MORN1: variants seen among roughly 807,000 people sequenced by gnomAD.
MORN1 encodes the protein MORN repeat containing 1.
In MORN1, 67 loss-of-function variants were observed where a neutral mutation model predicts 61.9. The observed-to-expected ratio is 1.08, with a 90% CI of 0.89 to 1.33. The LOEUF (loss-of-function observed/expected upper bound fraction) is 1.33. Ranked by LOEUF, MORN1 falls within the 40% of genes most tolerant of loss-of-function variation. The pLI is 0.00. For synonymous variants in MORN1, 301 were observed against 292.0 expected (o/e 1.03, Z -0.31); for missense variants, 752 against 691.2 (o/e 1.09, Z -0.99).
At chr1:2,324,632 G>A (rs1367224793) in intron 12 of MORN1, among the ~76,000 whole-genome samples, 9 of 152,186 alleles carry the variant, frequency 5.9e-5, no homozygotes. Context: ...GAGGCCCAGT[G>A]TCACCTGGGA....
intron 10 of MORN1, chr1:2,352,289 A>G (rs951986593): frequency 1.6e-4 from 28 of 175,386 alleles, no homozygotes; most frequent in Admixed American, 7.6e-4. Context: ...CTGTGCAGCC[A>G]TCCAGGACCA....
chr1:2,390,982 G>T (rs904014275), intron 1 of MORN1, among the ~76,000 whole-genome samples: 3 of 152,190 alleles, frequency 2.0e-5, no homozygotes, highest in African/African-American at 7.2e-5. Flanking sequence ...CTGACCTCAG[G>T]TGATCCACCC....
Position 2,357,382 on chromosome 1 carries a change from T to A in MORN1, c.1036+50A>T. On this transcript the variant is annotated intron_variant, in intron 10 of 13. Transcript: ENST00000378531. This position sits in a 1 kb window ranked among gnomAD's most constrained non-coding sequence, Gnocchi z 6.3. ...CCCATGACCCCACCCCCACCTTGAC[T>A]GCTGGGCCTGGGCCCACCCACCCCC... 3 of 1,511,624 alleles carry A rather than the reference T, an allele frequency of 2.0e-6. No homozygotes were observed. The highest frequency in any genetic ancestry group is 2.7e-6 in the Non-Finnish European group (3 of 1,118,594). 93.6% of individuals were successfully genotyped at this position (1,511,624 alleles called of 1,614,324 possible).
At chr1:2,353,950 A>G (rs1641706126) in intron 10 of MORN1, among the ~76,000 whole-genome samples, 1 of 152,226 alleles carries the variant, frequency 6.6e-6, no homozygotes, top group African/African-American at 2.4e-5. Flanking sequence ...CCGATAAATC[A>G]GTCCTAAATG....
rs577239152 is a variant in MORN1, at chr1:2,373,356, C to T, written c.635-765G>A. 1.3e-4 allele frequency among the ~76,000 whole-genome samples: 20 copies of T among 152,352 alleles called. No individual in the cohort carries two copies. The South Asian group carries it at 4.1e-3, about 32-fold the overall frequency. ...GAAGCTCTGGCCCCTGTGGGAGCTC[C>T]TGCTGTGTTCTGGGGGCAAAGCCAG... On this transcript the variant is annotated intron_variant, in intron 7 of 13. Transcript: ENST00000378531.
In MORN1 at chr1:2,321,667, C is replaced by T. The variant is rs921466129; in HGVS notation, c.1298-88G>A. On this transcript the variant is annotated intron_variant, in intron 13 of 13. Transcript: ENST00000378531. ...CCCACTGCCCACTGTCTCATGTGCC[C>T]GCTGGCCCCTGTGCCCCCGACCCTG... 1.9e-5 allele frequency: 27 copies of T among 1,395,376 alleles called. 1 individual carries two copies. The highest frequency in any genetic ancestry group is 3.0e-5 in the African/African-American group (2 of 66,658). The allele number at this position is 1,395,376 out of a possible 1,614,324, so 86.4% of individuals were successfully genotyped here.
chr1:2,321,259 C>T lies in MORN1; in HGVS notation c.*124G>A, dbSNP rs147767221. 4.0e-6 allele frequency: 3 copies of T among 752,002 alleles called. No homozygotes were observed. Among genetic ancestry groups the T allele is most frequent in the African/African-American group, 1.8e-5 (1 of 55,326 alleles). 46.6% of individuals were successfully genotyped at this position (752,002 alleles called of 1,614,324 possible). On this transcript the variant is annotated 3_prime_UTR_variant, in exon 14 of 14. Transcript: ENST00000378531. ...CAAGGAGCAGTGCCCTCCATAGCCG[C>T]CACTGAGCATTTTATTCAAGCCAGC... is the stretch of plus-strand genomic sequence containing the variant.
At chr1:2,386,498 C>T (rs1210966134) in intron 4 of MORN1, 3 of 154,402 alleles carry the variant, frequency 1.9e-5, no homozygotes, top group Admixed American at 6.4e-5. Flanking sequence ...GGCACGATCT[C>T]GGCTCACTAC....
At chr1:2,326,022 C>T (rs1486354435) in intron 12 of MORN1, among the ~76,000 whole-genome samples, 1 of 152,152 alleles carries the variant, frequency 6.6e-6, no homozygotes, top group Non-Finnish European at 1.5e-5. Context: ...GGGCTGGCAC[C>T]CTCCCGCGGC....
At chr1:2,387,692 T>A (rs1236225306) in intron 3 of MORN1, 163 bp from the exon 4 acceptor site, 2 of 620,668 alleles carry the variant, frequency 3.2e-6, no homozygotes, top group Admixed American at 5.0e-5. Flanking sequence ...GAAAACATGG[T>A]AAGCAGGTCT....
intron 7 of MORN1, among the ~76,000 whole-genome samples, chr1:2,373,638 C>T (rs1642171124): frequency 6.6e-6 from 1 of 152,170 alleles, no homozygotes; most frequent in South Asian, 2.1e-4. Context: ...CAGGCTCGGC[C>T]TCCATCCCAG....
chr1:2,330,850 G>A (rs771005027), intron 12 of MORN1, among the ~76,000 whole-genome samples: 9 of 152,182 alleles, frequency 5.9e-5, no homozygotes, highest in Admixed American at 1.3e-4. Flanking sequence ...CACCCCCACC[G>A]TTCCTGTGGA....
intron 8 of MORN1, among the ~76,000 whole-genome samples, chr1:2,363,811 A>AAAT (rs1199100386): frequency 3.7e-5 from 5 of 135,144 alleles, no homozygotes; most frequent in South Asian, 2.4e-4. Context: ...CAAACAAAAA[A>AAAT]ATATATATAT....
At chr1:2,384,057 T>A (rs772950751) in intron 6 of MORN1, among the ~76,000 whole-genome samples, 2 of 152,226 alleles carry the variant, frequency 1.3e-5, no homozygotes, top group African/African-American at 4.8e-5. Context: ...TGTTGGTGAC[T>A]CTTTCATTAC....
chr1:2,323,998 G>T, intron 13 of MORN1, 99 bp downstream of exon 13: 1 of 1,369,748 alleles, frequency 7.3e-7, no homozygotes, highest in South Asian at 1.4e-5. Context: ...TGGGGGCCCC[G>T]GGCCGAGTTC....
At chr1:2,345,015 C>G (rs1157605683) in intron 10 of MORN1, among the ~76,000 whole-genome samples, 1 of 152,000 alleles carries the variant, frequency 6.6e-6, no homozygotes, top group African/African-American at 2.4e-5. Context: ...GGAGGGTCCA[C>G]GCGTGCTCAC....
At chr1:2,365,628 C>G (rs1437410309) in intron 8 of MORN1, among the ~76,000 whole-genome samples, 1 of 151,184 alleles carries the variant, frequency 6.6e-6, no homozygotes, top group African/African-American at 2.4e-5. Flanking sequence ...GCATCCCTGT[C>G]TTGTGCCAGT....
chr1:2,352,655 G>A (rs1437458894), intron 10 of MORN1: 1 of 152,400 alleles, frequency 6.6e-6, no homozygotes, highest in Non-Finnish European at 1.5e-5. Context: ...TGTGACTGCA[G>A]GGAGAGGGCT....
intron 12 of MORN1, among the ~76,000 whole-genome samples, chr1:2,327,069 C>T (rs1264404962): frequency 6.6e-6 from 1 of 150,860 alleles, no homozygotes; most frequent in Non-Finnish European, 1.5e-5. Flanking sequence ...AATACAGAAA[C>T]ACAGAAACAA....
Sources: allele counts gnomAD v4.1 joint callset (sites outside exome capture counted in the v4.1 genomes callset), GRCh38; gene constraint gnomAD v4.1.1; non-coding constraint Gnocchi (gnomAD v3.1); transcripts MANE v1.5; gene names NCBI Gene and HGNC (gene_info 2026-07-23, HGNC 2026-07-21).